CACNG2: variants seen among roughly 807,000 people sequenced by gnomAD.
CACNG2 encodes the protein calcium voltage-gated channel auxiliary subunit gamma 2, also known as voltage-dependent calcium channel gamma-2 subunit.
A neutral mutation model predicts 25.9 loss-of-function variants in CACNG2; 3 were observed. The ratio of observed to expected loss-of-function variants is 0.12; its 90% CI spans 0.05 to 0.30. The LOEUF is 0.30. Among genes scored for constraint, CACNG2 ranks in the 10% least tolerant of loss-of-function variants. The pLI is 1.00. For synonymous variants in CACNG2, 167 were observed against 173.3 expected (o/e 0.96, Z 0.29); for missense variants, 341 against 432.5 (o/e 0.79, Z 1.88).
chr22:36,677,538 G>A (rs75866277), intron 1 of CACNG2, among the ~76,000 whole-genome samples: 2,143 of 152,214 alleles, frequency 0.014, 39 homozygotes, highest in African/African-American at 0.049. Context: ...GATTCATGCC[G>A]ATAAAAAGGA....
At chr22:36,572,802 T>C (rs1229930723) in intron 2 of CACNG2, among the ~76,000 whole-genome samples, 1 of 152,086 alleles carries the variant, frequency 6.6e-6, no homozygotes, top group Non-Finnish European at 1.5e-5. Flanking sequence ...GAGTATACTC[T>C]ATACTGGGGA....
At chr22:36,576,609 A>T (rs535450393) in intron 2 of CACNG2, among the ~76,000 whole-genome samples, 7 of 151,278 alleles carry the variant, frequency 4.6e-5, no homozygotes, top group East Asian at 3.9e-4. Context: ...TGTGTGTGTG[A>T]GAGAGAGAGA....
chr22:36,686,023 C>T (rs1013555214), intron 1 of CACNG2, among the ~76,000 whole-genome samples: 5 of 152,178 alleles, frequency 3.3e-5, no homozygotes, highest in African/African-American at 1.2e-4. Flanking sequence ...AGGGCTTTGC[C>T]ACCTGGTTGA....
At chr22:36,644,762 A>G (rs1936493420) in intron 1 of CACNG2, among the ~76,000 whole-genome samples, 1 of 152,214 alleles carries the variant, frequency 6.6e-6, no homozygotes, top group African/African-American at 2.4e-5. Context: ...CTAAGTGCTT[A>G]AAACAGCGCC....
At position 36,564,287 on chromosome 22, in the gene CACNG2, C is replaced by A; in HGVS notation, c.*64G>T. ...TCCCAGCGGAGGGTCTGGGTCTCCCCGCCCCGCCCCGCCCCCGGGGACCGC... is the reference window on the plus strand; with the variant it reads ...TCCCAGCGGAGGGTCTGGGTCTCCCAGCCCCGCCCCGCCCCCGGGGACCGC... On this transcript the variant is annotated 3_prime_UTR_variant, in exon 4 of 4. Coordinates refer to ENST00000300105, the MANE Select transcript of CACNG2 (RefSeq NM_006078.5). The surrounding 1 kb of genome is among the most constrained non-coding windows in gnomAD (Gnocchi z 6.7). The A allele has an allele frequency of 1.4e-6, 2 of 1,478,092 alleles. No homozygotes were observed. The highest frequency in any genetic ancestry group is 9.2e-7 in the Non-Finnish European group (1 of 1,086,872). 91.6% of individuals were successfully genotyped at this position (1,478,092 alleles called of 1,614,324 possible).
chr22:36,596,262 C>A (rs549688262), intron 1 of CACNG2, among the ~76,000 whole-genome samples: 2 of 152,296 alleles, frequency 1.3e-5, no homozygotes, highest in South Asian at 2.1e-4. Context: ...TTTTGCTTTC[C>A]TGGCAATACC....
chr22:36,687,376 GTGTACTATTCCAAGGT>G lies in CACNG2; in HGVS notation c.211+14974_211+14989del, dbSNP rs1937214962. Among the ~76,000 whole-genome samples, 3 of 152,118 alleles carry G rather than the reference GTGTACTATTCCAAGGT, an allele frequency of 2.0e-5. No homozygotes were observed. In the South Asian group the frequency reaches 6.2e-4, roughly 32 times the overall value. ...TATAATCTCTAAAAATCTCTTCCAG[GTGTACTATTCCAAGGT>G]TGTGACACTAGGTTGTGAACAAACT... On this transcript the variant is annotated intron_variant, in intron 1 of 3. Coordinates refer to ENST00000300105, the MANE Select transcript of CACNG2 (RefSeq NM_006078.5).
intron 1 of CACNG2, among the ~76,000 whole-genome samples, chr22:36,665,612 G>T (rs185220150): frequency 1.4e-3 from 214 of 152,258 alleles, no homozygotes; most frequent in Admixed American, 2.0e-3. Context: ...GCAAGCACAT[G>T]AAAAGATGCT....
chr22:36,584,932 G>C (rs531225759), intron 2 of CACNG2: 6 of 152,380 alleles, frequency 3.9e-5, no homozygotes, highest in African/African-American at 1.4e-4. Flanking sequence ...AGCTCAGCCC[G>C]CCTCCTTCAG....
chr22:36,605,371 G>A lies in CACNG2; in HGVS notation c.212-17823C>T, dbSNP rs553173357. On this transcript the variant is annotated intron_variant, in intron 1 of 3. Transcript: ENST00000300105. ...ATTAAAGGCATGAGCCACCATGCCC[G>A]GCCCCAACATAACTTTTATATGCAC... Among the ~76,000 whole-genome samples the A allele has an allele frequency of 3.3e-5, 5 of 152,212 alleles. No individual in the cohort carries two copies. In the East Asian group the frequency reaches 5.8e-4, roughly 18 times the overall value.
At chr22:36,680,715 CCAT>C in intron 1 of CACNG2, among the ~76,000 whole-genome samples, 1 of 5,624 alleles carries the variant, frequency 1.8e-4, no homozygotes, top group Non-Finnish European at 4.3e-4. Flanking sequence ...ACCACCATCA[CCAT>C]CACCACTACC....
At chr22:36,608,741 A>G (rs561018587) in intron 1 of CACNG2, among the ~76,000 whole-genome samples, 12 of 151,650 alleles carry the variant, frequency 7.9e-5, no homozygotes, top group African/African-American at 2.9e-4. Context: ...TTATGAACAT[A>G]TATTTAACCT....
intron 1 of CACNG2, among the ~76,000 whole-genome samples, chr22:36,656,964 G>A (rs545510819): frequency 6.6e-6 from 1 of 152,292 alleles, no homozygotes; most frequent in Non-Finnish European, 1.5e-5. Flanking sequence ...CCAGTAGAAT[G>A]AGGGCCCTTC....
chr22:36,636,252 C>T (rs1174009184), intron 1 of CACNG2, among the ~76,000 whole-genome samples: 1 of 152,166 alleles, frequency 6.6e-6, no homozygotes, highest in Non-Finnish European at 1.5e-5. Context: ...CGGGATGTTG[C>T]ATAAGCTGTT....
At chr22:36,690,317 G>C (rs1159706121) in intron 1 of CACNG2, among the ~76,000 whole-genome samples, 1 of 152,170 alleles carries the variant, frequency 6.6e-6, no homozygotes, top group Non-Finnish European at 1.5e-5. Context: ...CTTGCTGATG[G>C]CTGCCAAGCA....
intron 1 of CACNG2, among the ~76,000 whole-genome samples, chr22:36,632,348 A>G (rs1197287778): frequency 6.6e-6 from 1 of 152,078 alleles, no homozygotes; most frequent in East Asian, 1.9e-4. Flanking sequence ...CCTCATTTGT[A>G]AAAAGGAAAA....
At chr22:36,685,058 A>G (rs545930838) in intron 1 of CACNG2, among the ~76,000 whole-genome samples, 3 of 152,280 alleles carry the variant, frequency 2.0e-5, no homozygotes, top group African/African-American at 7.2e-5. Flanking sequence ...TCCAGCCACA[A>G]GCTTTGCAGC....
intron 1 of CACNG2, among the ~76,000 whole-genome samples, chr22:36,613,993 C>A (rs1414299244): frequency 6.6e-6 from 1 of 152,144 alleles, no homozygotes; most frequent in African/African-American, 2.4e-5. Flanking sequence ...CACCCTCCAA[C>A]CCCCAAGTGG....
At position 36,579,788 on chromosome 22, in the gene CACNG2, C is replaced by T. The variant is rs116832424; in HGVS notation, c.295+7677G>A. 9.7e-3 allele frequency among the ~76,000 whole-genome samples: 1,474 copies of T among 152,328 alleles called. 23 individuals are homozygous for T. The highest frequency in any genetic ancestry group is 0.034 in the African/African-American group (1,396 of 41,550). ...ACTGGCGGTTCCCTCTGCCTGAATGCTCTTCCAGGATATATGCACCTCCCA... is the reference window on the plus strand; with the variant it reads ...ACTGGCGGTTCCCTCTGCCTGAATGTTCTTCCAGGATATATGCACCTCCCA... On this transcript the variant is annotated intron_variant, in intron 2 of 3. Coordinates refer to ENST00000300105, the MANE Select transcript of CACNG2 (RefSeq NM_006078.5).
Sources: allele counts gnomAD v4.1 joint callset (sites outside exome capture counted in the v4.1 genomes callset), GRCh38; gene constraint gnomAD v4.1.1; non-coding constraint Gnocchi (gnomAD v3.1); transcripts MANE v1.5; gene names NCBI Gene and HGNC (gene_info 2026-07-23, HGNC 2026-07-21).